IL16: variants seen among roughly 807,000 people sequenced by gnomAD.
IL16 encodes pro-interleukin-16.
Under a neutral mutation model 110.1 loss-of-function variants are expected in IL16, and 67 were observed. The ratio of observed to expected loss-of-function variants is 0.61; its 90% CI spans 0.50 to 0.75. The LOEUF (loss-of-function observed/expected upper bound fraction) is 0.75, where lower values mean the gene tolerates loss of function less well. Among genes scored for constraint, IL16 ranks in the 30% least tolerant of loss-of-function variants. The probability of loss-of-function intolerance (pLI) is 0.00; values close to 1 mark genes in which losing one functional copy is unlikely to be tolerated. For synonymous variants in IL16, 689 were observed against 662.9 expected (o/e 1.04, Z -0.61); for missense variants, 1,545 against 1,655.0 (o/e 0.93, Z 1.15).
intron 2 of IL16, among the ~76,000 whole-genome samples, chr15:81,226,430 A>G (rs1349134372): frequency 6.6e-6 from 1 of 152,186 alleles, no homozygotes; most frequent in Non-Finnish European, 1.5e-5. Context: ...CAAAGGTGAG[A>G]TTTTTCAAGA....
upstream of IL16, among the ~76,000 whole-genome samples, chr15:81,195,660 G>C (rs990045907): frequency 1.3e-5 from 2 of 152,128 alleles, no homozygotes; most frequent in Admixed American, 6.5e-5. Flanking sequence ...CCTACAGGTT[G>C]CACCTACACC....
At chr15:81,211,006 G>A (rs1896220176) in intron 1 of IL16, among the ~76,000 whole-genome samples, 1 of 152,062 alleles carries the variant, frequency 6.6e-6, no homozygotes, top group African/African-American at 2.4e-5. Context: ...ATTATTTTGA[G>A]TTATCTTCCT....
intron 12 of IL16, among the ~76,000 whole-genome samples, chr15:81,294,884 C>T (rs1267509864): frequency 6.6e-6 from 1 of 152,082 alleles, no homozygotes; most frequent in East Asian, 1.9e-4. Flanking sequence ...TGTTTTCTTC[C>T]GTGGCCACAG....
intron 14 of IL16, 36 bp from the exon 15 acceptor site, chr15:81,301,308 G>A (rs1900272025): frequency 1.3e-6 from 2 of 1,553,728 alleles, no homozygotes; most frequent in African/African-American, 1.4e-5. Context: ...TTTTAATATT[G>A]TTGTTCATAC....
intron 1 of IL16, among the ~76,000 whole-genome samples, chr15:81,212,703 CT>C (rs1276164152): frequency 3.9e-5 from 6 of 152,234 alleles, no homozygotes; most frequent in South Asian, 4.1e-4. Context: ...AACTCCTGAC[CT>C]CAAGTGATCT....
chr15:81,265,097 T>C (rs1898314107), intron 3 of IL16, among the ~76,000 whole-genome samples: 1 of 152,062 alleles, frequency 6.6e-6, no homozygotes, highest in Admixed American at 6.5e-5. Context: ...AAGTCTGTGG[T>C]TTCCACAAAG....
rs1044833717 is a variant in IL16 at position 81,199,058 on chromosome 15, T to A, written c.-102+1906T>A. 6.9e-5 allele frequency among the ~76,000 whole-genome samples: 10 copies of A among 143,914 alleles called. 1 individual carries two copies. Among genetic ancestry groups the A allele is most frequent in the African/African-American group, 2.5e-4 (10 of 39,304 alleles). 94.4% of individuals were successfully genotyped at this position (143,914 alleles called of 152,430 possible). A position where few individuals can be genotyped will look rare whatever the true frequency, so the allele number is the denominator to read the frequency against. ...ATATATATATATATATATATATATA[T>A]ATAAAATACATATTTTTTATTGTGC... On this transcript the variant is annotated intron_variant, in intron 1 of 18. Coordinates refer to ENST00000683961, the MANE Select transcript of IL16 (RefSeq NM_172217.5).
Position 81,301,347 on chromosome 15 carries a change from T to C in IL16, c.3153T>C (p.Leu1051=). ...GTGTTGTTTCTCCTTATGAAAGCCTTTCAGAGCTGAGAGAATATACAGAGG... is the reference window on the plus strand; with the variant it reads ...GTGTTGTTTCTCCTTATGAAAGCCTCTCAGAGCTGAGAGAATATACAGAGG... ...SALDTGFSLN[L]SELREYTEGL... is the part of the protein sequence containing the mutation. The change falls in exon 15 of 19, where the codon CTT becomes CTC. Residue 1051 remains leucine (L), a synonymous_variant. Transcript: ENST00000683961. 6.2e-7 allele frequency: 1 copy of C among 1,600,684 alleles called. No individual in the cohort carries two copies. The highest frequency in any genetic ancestry group is 8.5e-7 in the Non-Finnish European group (1 of 1,176,508).
At chr15:81,280,457 T>G (rs1429228396) in intron 8 of IL16, among the ~76,000 whole-genome samples, 1 of 152,188 alleles carries the variant, frequency 6.6e-6, no homozygotes, top group East Asian at 1.9e-4. Context: ...CTAACTGGAG[T>G]TGGAAATCCT....
At position 81,295,456 on chromosome 15, in the gene IL16, T is replaced by C. The variant is rs1161533120; in HGVS notation, c.1903-1472T>C. ...GACTGCAGTTGGTATCACATGTGGC[T>C]GCCTGTAAAAGAGCTAACAATTCAT... On this transcript the variant is annotated intron_variant, in intron 12 of 18. Transcript: ENST00000683961. The C allele has an allele frequency of 3.1e-6, 4 of 1,289,524 alleles. No individual in the cohort carries two copies. In the African/African-American group the frequency reaches 6.1e-5, roughly 20 times the overall value. The allele number at this position is 1,289,524 out of a possible 1,614,324, so 79.9% of individuals were successfully genotyped here. A position where few individuals can be genotyped will look rare whatever the true frequency, so the allele number is the denominator to read the frequency against.
Position 81,292,705 on chromosome 15 carries a change from A to T in IL16, c.1570A>T (p.Ser524Cys). The T allele has an allele frequency of 6.2e-7, 1 of 1,614,154 alleles. No individual in the cohort carries two copies. The highest frequency in any genetic ancestry group is 2.2e-5 in the East Asian group (1 of 44,880). Reference sequence around the variant, plus strand: ...CTACATGTCTGGGTCCCCAGGGGGAAGTCCTGGGAGTGGCAGTGCTGAGAA... The same window carrying T: ...CTACATGTCTGGGTCCCCAGGGGGATGTCCTGGGAGTGGCAGTGCTGAGAA... ...SSYMSGSPGGSPGSGSAEKPS... is the reference protein window; with the variant it reads ...SSYMSGSPGGCPGSGSAEKPS... Residue 524 changes from serine to cysteine, a missense_variant, in exon 12 of 19, where the codon AGT (serine) becomes TGT (cysteine). Ser to Cys is a moderately radical substitution (Grantham distance 112). Coordinates refer to ENST00000683961, the MANE Select transcript of IL16 (RefSeq NM_172217.5).
At chr15:81,244,058 A>G (rs1220784067) in intron 2 of IL16, among the ~76,000 whole-genome samples, 3 of 152,286 alleles carry the variant, frequency 2.0e-5, no homozygotes, top group Middle Eastern at 3.4e-3. Flanking sequence ...GACATAACTC[A>G]TTATAGTCTA....
At chr15:81,207,970 C>T (rs995453079) in intron 1 of IL16, among the ~76,000 whole-genome samples, 7 of 152,108 alleles carry the variant, frequency 4.6e-5, no homozygotes, top group Non-Finnish European at 8.8e-5. Flanking sequence ...TCCATAGTGG[C>T]CAAACTAGTT....
intron 2 of IL16, among the ~76,000 whole-genome samples, chr15:81,226,729 A>G (rs376309356): frequency 2.0e-5 from 3 of 152,170 alleles, no homozygotes; most frequent in African/African-American, 7.2e-5. Context: ...TGTGACTTCT[A>G]TTAATATGTC....
intron 2 of IL16, among the ~76,000 whole-genome samples, chr15:81,237,142 C>T (rs558972304): frequency 1.5e-3 from 236 of 152,316 alleles, no homozygotes; most frequent in African/African-American, 5.6e-3. Context: ...ATATCTTCCT[C>T]ACTCTCATCT....
upstream of IL16, among the ~76,000 whole-genome samples, chr15:81,194,857 G>T (rs988113670): frequency 1.3e-5 from 2 of 152,116 alleles, no homozygotes; most frequent in East Asian, 3.9e-4. Context: ...AGCAAACTAA[G>T]GCTGTGAATG....
At chr15:81,243,666 AG>A (rs934236146) in intron 2 of IL16, among the ~76,000 whole-genome samples, 3 of 152,232 alleles carry the variant, frequency 2.0e-5, no homozygotes, top group African/African-American at 7.2e-5. Context: ...AGAATTCTTC[AG>A]TAAAGCCATC....
chr15:81,305,677 G>T, intron 16 of IL16: 3 of 570,890 alleles, frequency 5.3e-6, no homozygotes, highest in Admixed American at 3.2e-5. Flanking sequence ...GTTGTGTTGG[G>T]ATGGATTCTG....
chr15:81,228,383 C>G (rs1470740603), intron 2 of IL16, among the ~76,000 whole-genome samples: 2 of 149,530 alleles, frequency 1.3e-5, no homozygotes, highest in East Asian at 3.9e-4. Flanking sequence ...TACAGGGGTG[C>G]GATCTCAGCT....
Sources: allele counts gnomAD v4.1 joint callset (sites outside exome capture counted in the v4.1 genomes callset), GRCh38; gene constraint gnomAD v4.1.1; transcripts MANE v1.5; gene names NCBI Gene and HGNC (gene_info 2026-07-23, HGNC 2026-07-21).